Variants in NRG1 observed in about 807,000 individuals in gnomAD.
NRG1 encodes neuregulin 1.
A neutral mutation model predicts 63.8 loss-of-function variants in NRG1; 18 were observed. That is an observed-to-expected ratio of 0.28 (90% CI 0.19 to 0.42). NRG1 has a LOEUF of 0.42. NRG1 is among the 10% of genes least tolerant of loss of function. NRG1 has a pLI of 1.00. For missense variants in NRG1, 762 were observed against 814.7 expected (o/e 0.94, Z 0.79); for synonymous variants, 302 against 301.3 (o/e 1.00, Z -0.02).
chr8:32,485,454 T>C (rs1052238173), intron 1 of NRG1, among the ~76,000 whole-genome samples: 1 of 152,168 alleles, frequency 6.6e-6, no homozygotes, highest in African/African-American at 2.4e-5. Flanking sequence ...ATATTAATAA[T>C]AAGCTTCTAT....
intron 1 of NRG1, among the ~76,000 whole-genome samples, chr8:31,962,495 C>G (rs1805618131): frequency 6.6e-6 from 1 of 152,204 alleles, no homozygotes; most frequent in Middle Eastern, 3.4e-3. Flanking sequence ...TGAAGAGATG[C>G]TCAGTGATGG....
chr8:32,640,620 GCACACACACACACACACA>G (rs58796067), intron 5 of NRG1, among the ~76,000 whole-genome samples: 8 of 132,224 alleles, frequency 6.1e-5, no homozygotes, highest in Non-Finnish European at 9.8e-5. Context: ...TCTCAGACCC[GCACACACACACACACACA>G]CACACACACA....
At chr8:31,986,447 C>T (rs1239540384) in intron 1 of NRG1, among the ~76,000 whole-genome samples, 2 of 152,034 alleles carry the variant, frequency 1.3e-5, no homozygotes, top group Non-Finnish European at 2.9e-5. Flanking sequence ...AAAAAACTTG[C>T]TCTAGACACT....
intron 1 of NRG1, among the ~76,000 whole-genome samples, chr8:31,754,717 T>G (rs906411556): frequency 6.6e-6 from 1 of 152,050 alleles, no homozygotes; most frequent in Non-Finnish European, 1.5e-5. Context: ...ACTCCTTAGG[T>G]AGGATCTCAG....
chr8:31,684,610 T>A (rs563571744), intron 1 of NRG1, among the ~76,000 whole-genome samples: 4 of 152,198 alleles, frequency 2.6e-5, no homozygotes, highest in African/African-American at 9.7e-5. Context: ...CTGATGTGCA[T>A]AGACTTTTGA....
At chr8:32,609,560 T>TCCC (rs1563760416) in intron 3 of NRG1, among the ~76,000 whole-genome samples, 8 of 38,462 alleles carry the variant, frequency 2.1e-4, no homozygotes, top group African/African-American at 1.0e-3. Context: ...CCCTCCTTCC[T>TCCC]TCCTTCCTTC....
rs187710448 is a variant in NRG1, at chr8:32,297,977, A to C, written c.38-297851A>C. Among the ~76,000 whole-genome samples the C allele has an allele frequency of 6.0e-3, 907 of 152,370 alleles. 1 individual carries two copies. Among genetic ancestry groups the C allele is most frequent in the Non-Finnish European group, 9.1e-3 (622 of 68,034 alleles). On this transcript the variant is annotated intron_variant, in intron 1 of 10. Transcript: ENST00000519301. ...CTAGAAGCGAACTAATTCATGATTT[A>C]TTTTTAAGTGATTAGAACCCTTAGT...
At chr8:32,619,173 C>T (rs1196911220) in intron 5 of NRG1, among the ~76,000 whole-genome samples, 2 of 152,102 alleles carry the variant, frequency 1.3e-5, no homozygotes, top group East Asian at 1.9e-4. Flanking sequence ...GTGATTGTGC[C>T]ACTGCACTCC....
At chr8:32,299,025 C>CAAAAAAAAAAAAA (rs34799826) in intron 1 of NRG1, among the ~76,000 whole-genome samples, 5 of 59,566 alleles carry the variant, frequency 8.4e-5, no homozygotes, top group African/African-American at 1.2e-4. Flanking sequence ...GACTCTATCT[C>CAAAAAAAAAAAAA]AAAAAAAAAA....
chr8:32,547,590 AACACACAC>A (rs33943729), upstream of NRG1, among the ~76,000 whole-genome samples: 650 of 148,492 alleles, frequency 4.4e-3, 1 homozygote, highest in Non-Finnish European at 6.5e-3. Context: ...GCACTTACTA[AACACACAC>A]ACACACACAC....
At chr8:32,574,218 A>G (rs1839187072) in intron 1 of NRG1, among the ~76,000 whole-genome samples, 1 of 152,104 alleles carries the variant, frequency 6.6e-6, no homozygotes, top group Non-Finnish European at 1.5e-5. Flanking sequence ...TACATTACTA[A>G]TCTGGTTGGG....
At chr8:32,647,430 G>A (rs1288227656) in intron 5 of NRG1, 2 of 985,222 alleles carry the variant, frequency 2.0e-6, no homozygotes, top group African/African-American at 3.5e-5. Flanking sequence ...TTTCGTCCCT[G>A]TCCTCTTGAC....
intron 1 of NRG1, among the ~76,000 whole-genome samples, chr8:32,387,570 CT>C (rs1281363742): frequency 6.6e-6 from 1 of 152,124 alleles, no homozygotes; most frequent in African/African-American, 2.4e-5. Flanking sequence ...TCCCAGGAAT[CT>C]TTTTAGGAAA....
Position 32,640,684 on chromosome 8 carries a change from C to G in NRG1, c.502+23799C>G, listed in dbSNP as rs1041092931. Among the ~76,000 whole-genome samples, 4 of 151,334 alleles carry G rather than the reference C, an allele frequency of 2.6e-5. No individual in the cohort carries two copies. The East Asian group carries it at 5.8e-4, about 22-fold the overall frequency. ...CACAGAAACTAGTAAATGGATATGTCATTGAGACTCTGAATTCAAAAGGCT... is the reference window on the plus strand; with the variant it reads ...CACAGAAACTAGTAAATGGATATGTGATTGAGACTCTGAATTCAAAAGGCT... On this transcript the variant is annotated intron_variant, in intron 5 of 11. Coordinates refer to ENST00000356819, the Ensembl canonical transcript of NRG1.
intron 5 of NRG1, among the ~76,000 whole-genome samples, chr8:32,725,074 GTC>G (rs1205376074): frequency 6.6e-6 from 1 of 152,142 alleles, no homozygotes; most frequent in Non-Finnish European, 1.5e-5. Flanking sequence ...GAAGAGATGT[GTC>G]TATGTGTTGC....
chr8:32,232,104 A>G (rs1216977199), intron 1 of NRG1, among the ~76,000 whole-genome samples: 1 of 151,570 alleles, frequency 6.6e-6, no homozygotes, highest in African/African-American at 2.4e-5. Flanking sequence ...AGGTTTTGCC[A>G]TGTTGCCCAA....
At chr8:32,586,816 G>T (rs576603668) in intron 1 of NRG1, among the ~76,000 whole-genome samples, 70 of 152,256 alleles carry the variant, frequency 4.6e-4, no homozygotes, top group African/African-American at 1.7e-3. Context: ...TAGTAATTTT[G>T]CGGATATGTA....
intron 1 of NRG1, among the ~76,000 whole-genome samples, chr8:32,012,570 A>G (rs949283271): frequency 6.6e-6 from 1 of 152,078 alleles, no homozygotes; most frequent in Non-Finnish European, 1.5e-5. Context: ...TTTTTTCTAG[A>G]TGGAAATAAG....
In NRG1 at chr8:31,709,769, T is replaced by G. The variant is rs987978706; in HGVS notation, c.37+70338T>G. ...AATAAAATAGTCTCTTTTGGCTTTT[T>G]TATTTTTCTTTGTTTTTGTGGCTTT... On this transcript the variant is annotated intron_variant, in intron 1 of 10. Transcript: ENST00000519301. Among the ~76,000 whole-genome samples, 19 of 152,060 alleles carry G rather than the reference T, an allele frequency of 1.2e-4. 1 individual carries two copies. The East Asian group carries it at 2.9e-3, about 23-fold the overall frequency.
Sources: allele counts gnomAD v4.1 joint callset (sites outside exome capture counted in the v4.1 genomes callset), GRCh38; gene constraint gnomAD v4.1.1; transcripts MANE v1.5; gene names NCBI Gene and HGNC (gene_info 2026-07-23, HGNC 2026-07-21).